ERBB4: variants seen among roughly 807,000 people sequenced by gnomAD.
ERBB4 encodes erb-b2 receptor tyrosine kinase 4.
In ERBB4, 42 loss-of-function variants were observed where a neutral mutation model predicts 158.0. That is an observed-to-expected ratio of 0.27 (90% CI 0.21 to 0.34). The LOEUF (loss-of-function observed/expected upper bound fraction) is 0.34, where lower values mean the gene tolerates loss of function less well. Among genes scored for constraint, ERBB4 ranks in the 10% least tolerant of loss-of-function variants. ERBB4 has a pLI of 1.00. For missense variants in ERBB4, 1,333 were observed against 1,624.1 expected (o/e 0.82, Z 3.08); for synonymous variants, 583 against 558.7 (o/e 1.04, Z -0.61).
At chr2:211,516,960 C>T (rs1488961779) in intron 20 of ERBB4, among the ~76,000 whole-genome samples, 2 of 152,130 alleles carry the variant, frequency 1.3e-5, no homozygotes, top group African/African-American at 4.8e-5. Flanking sequence ...CCATCAGGTT[C>T]TGAATCTCAC....
chr2:212,433,386 C>T (rs1475287098), intron 1 of ERBB4, among the ~76,000 whole-genome samples: 1 of 151,864 alleles, frequency 6.6e-6, no homozygotes, highest in South Asian at 2.1e-4. Flanking sequence ...TAAAATATTC[C>T]TTTAATAAAT....
intron 1 of ERBB4, among the ~76,000 whole-genome samples, chr2:212,362,730 G>A (rs895511421): frequency 1.3e-5 from 2 of 150,770 alleles, no homozygotes; most frequent in African/African-American, 2.4e-5. Context: ...TAGAAATATT[G>A]AATAAAATTT....
In ERBB4 at chr2:211,383,445, T is replaced by A; in HGVS notation, c.*170A>T. The A allele has an allele frequency of 6.4e-6, 4 of 623,338 alleles. No individual in the cohort carries two copies. Among genetic ancestry groups the A allele is most frequent in the Non-Finnish European group, 1.1e-5 (4 of 350,274 alleles). The allele number at this position is 623,338 out of a possible 1,614,324, so 38.6% of individuals were successfully genotyped here. On this transcript the variant is annotated 3_prime_UTR_variant, in exon 28 of 28. Transcript: ENST00000342788. The stretch of plus-strand genomic sequence containing the variant: ...CTATCTTTCTCTTTCAGTCTTTCCC[T>A]CTAATGTTCAAGTTAGGTAAGCACA...
At chr2:211,552,491 C>T (rs545714412) in intron 20 of ERBB4, among the ~76,000 whole-genome samples, 13 of 151,812 alleles carry the variant, frequency 8.6e-5, no homozygotes, top group African/African-American at 2.2e-4. Flanking sequence ...TTGAAGGGTA[C>T]GATGGACCAC....
At chr2:211,595,005 T>A (rs2068588703) in intron 19 of ERBB4, among the ~76,000 whole-genome samples, 2 of 152,206 alleles carry the variant, frequency 1.3e-5, no homozygotes, top group African/African-American at 4.8e-5. Context: ...TCATATTACC[T>A]TCTTGAATAG....
At chr2:212,231,219 G>A (rs2083654494) in intron 1 of ERBB4, among the ~76,000 whole-genome samples, 1 of 151,668 alleles carries the variant, frequency 6.6e-6, no homozygotes, top group Non-Finnish European at 1.5e-5. Flanking sequence ...TTGAAGGAAC[G>A]ATTTCACACT....
At chr2:211,642,226 T>C (rs1449724081) in intron 16 of ERBB4, among the ~76,000 whole-genome samples, 1 of 152,028 alleles carries the variant, frequency 6.6e-6, no homozygotes, top group East Asian at 1.9e-4. Flanking sequence ...CTTCACTAAA[T>C]CGGTTCTTAT....
intron 1 of ERBB4, among the ~76,000 whole-genome samples, chr2:212,469,206 A>C (rs1253748670): frequency 6.6e-6 from 1 of 152,234 alleles, no homozygotes; most frequent in African/African-American, 2.4e-5. Context: ...GATTGCTAAA[A>C]ATAGTATCCT....
rs71054137 is a variant in ERBB4 at position 211,721,620 on chromosome 2, C to CATATAT, written c.883+767_883+772dup. ...TATTTAAGGTTAATTTGCTATTAAA[C>CATATAT]ATATATATATATATATATATATATA... On this transcript the variant is annotated intron_variant, in intron 7 of 27. Transcript: ENST00000342788. 5.7e-4 allele frequency among the ~76,000 whole-genome samples: 75 copies of CATATAT among 131,896 alleles called. 1 individual carries two copies. Among genetic ancestry groups the CATATAT allele is most frequent in the East Asian group, 2.1e-3 (10 of 4,850 alleles). The allele number at this position is 131,896 out of a possible 152,430, so 86.5% of individuals were successfully genotyped here. A position where few individuals can be genotyped will look rare whatever the true frequency, so the allele number is the denominator to read the frequency against.
chr2:211,383,660 A>G lies in ERBB4; in HGVS notation c.3882T>C (p.Thr1294=), dbSNP rs1212914212. 3.1e-6 allele frequency: 5 copies of G among 1,613,934 alleles called. No homozygotes were observed. In the Admixed American group the frequency reaches 8.3e-5, roughly 27 times the overall value. The change falls in exon 28 of 28, where the codon ACT becomes ACC. Residue 1294 remains threonine, a synonymous_variant. Coordinates refer to ENST00000342788, the MANE Select transcript of ERBB4 (RefSeq NM_005235.3). The stretch of plus-strand genomic sequence containing the variant: ...GTCTGTAAGGTGGAGGCGGCAGCAC[A>G]GTGCCTGGCTTCAGGGAGAACTCAG... ...YLSEFSLKPG[T]VLPPPPYRHR...
chr2:212,415,981 T>G (rs1349060124), intron 1 of ERBB4, among the ~76,000 whole-genome samples: 1 of 152,130 alleles, frequency 6.6e-6, no homozygotes, highest in East Asian at 1.9e-4. Context: ...CCTTATTTCT[T>G]GAACTAAGAA....
intron 3 of ERBB4, among the ~76,000 whole-genome samples, chr2:211,903,005 A>C (rs1269838422): frequency 6.6e-6 from 1 of 152,012 alleles, no homozygotes; most frequent in Non-Finnish European, 1.5e-5. Context: ...ATATATCACA[A>C]ATTAATTATG....
chr2:211,873,926 T>C (rs1254780678), intron 3 of ERBB4, among the ~76,000 whole-genome samples: 1 of 152,040 alleles, frequency 6.6e-6, no homozygotes, highest in Non-Finnish European at 1.5e-5. Context: ...ATGGTATATA[T>C]AAAAAGGCTT....
intron 2 of ERBB4, among the ~76,000 whole-genome samples, chr2:212,022,132 G>C (rs6715981): frequency 0.72 from 109,311 of 151,500 alleles, 40,401 homozygotes; most frequent in East Asian, 0.94. Flanking sequence ...CAAATATTTA[G>C]AACTGGAAAT....
intron 2 of ERBB4, among the ~76,000 whole-genome samples, chr2:211,962,155 T>C (rs1028235305): frequency 6.6e-6 from 1 of 152,122 alleles, no homozygotes; most frequent in Non-Finnish European, 1.5e-5. Flanking sequence ...TCAATATTTG[T>C]ATAATGTTTG....
rs569710112 is a variant in ERBB4, at chr2:211,954,656, GA to G, written c.235-7041del. 1.6e-4 allele frequency among the ~76,000 whole-genome samples: 24 copies of G among 152,144 alleles called. No individual in the cohort carries two copies. The South Asian group carries it at 1.7e-3, about 11-fold the overall frequency. On this transcript the variant is annotated intron_variant, in intron 2 of 27. Coordinates refer to ENST00000342788, the MANE Select transcript of ERBB4 (RefSeq NM_005235.3). ...AGGGAACAGAGAACTATGGTGGTAA[GA>G]GGGGGGGTAATAGAAAGTCCCTTCT...
At chr2:212,058,990 GA>G (rs1346978012) in intron 2 of ERBB4, among the ~76,000 whole-genome samples, 4 of 152,142 alleles carry the variant, frequency 2.6e-5, no homozygotes, top group African/African-American at 7.2e-5. Flanking sequence ...AGGCATAGAG[GA>G]AGTCAAATTG....
Position 212,366,928 on chromosome 2 carries a change from T to C in ERBB4, c.82+171521A>G, listed in dbSNP as rs555662420. Among the ~76,000 whole-genome samples the C allele has an allele frequency of 1.2e-4, 19 of 152,124 alleles. 1 individual carries two copies. The South Asian group carries it at 3.7e-3, about 30-fold the overall frequency. Reference sequence around the variant, plus strand: ...CTCTCTATGGACTGAATTGTGTCTCTTCCAAATTTATATGTTGAAGCCCTA... The same window carrying C: ...CTCTCTATGGACTGAATTGTGTCTCCTCCAAATTTATATGTTGAAGCCCTA... On this transcript the variant is annotated intron_variant, in intron 1 of 27. Coordinates refer to ENST00000342788, the MANE Select transcript of ERBB4 (RefSeq NM_005235.3).
chr2:212,354,649 G>C (rs1165436317), intron 1 of ERBB4, among the ~76,000 whole-genome samples: 1 of 152,094 alleles, frequency 6.6e-6, no homozygotes, highest in Non-Finnish European at 1.5e-5. Context: ...TACAGACAGA[G>C]AGTGAGGTGA....
Sources: gnomAD v4.1 joint callset for allele counts (sites outside exome capture counted in the v4.1 genomes callset) on GRCh38, gnomAD v4.1.1 for gene constraint, MANE v1.5 for transcripts, NCBI Gene and HGNC (gene_info 2026-07-23, HGNC 2026-07-21) for gene names.